Variants in EGFL6 observed in about 807,000 individuals in gnomAD.
The protein encoded by EGFL6 is EGF like domain multiple 6.
EGFL6 carries 42 observed loss-of-function variants against 43.1 expected under a neutral mutation model. The ratio of observed to expected loss-of-function variants is 0.98; its 90% CI spans 0.76 to 1.26. The LOEUF (loss-of-function observed/expected upper bound fraction) is 1.26, where lower values mean the gene tolerates loss of function less well. EGFL6 is among the 50% of genes most tolerant of loss of function. EGFL6 has a pLI of 0.00. For synonymous variants in EGFL6, 164 were observed against 163.2 expected, an observed-to-expected ratio of 1.01 and a Z score of -0.04; for missense variants, 429 against 427.8, an observed-to-expected ratio of 1.00 and a Z score of -0.02.
intron 6 of EGFL6, among the ~76,000 whole-genome samples, chrX:13,607,309 C>G (rs2045665989): frequency 9.0e-6 from 1 of 111,220 alleles, no homozygotes; most frequent in Admixed American, 9.6e-5. Flanking sequence ...AAGCTATATG[C>G]ATGACATGGA....
chrX:13,628,567 A>G (rs2045793849), intron 11 of EGFL6, among the ~76,000 whole-genome samples: 1 of 111,073 alleles, frequency 9.0e-6, no homozygotes, highest in Non-Finnish European at 1.9e-5. Flanking sequence ...TAATCCCAAC[A>G]CTTTGGGAGG....
At chrX:13,596,270 C>T (rs1261282080) in intron 3 of EGFL6, 1 of 111,589 alleles carries the variant, frequency 9.0e-6, no homozygotes, top group Admixed American at 9.5e-5. Context: ...ACATCTGTCA[C>T]CCCATTGCTC....
chrX:13,619,135 T>G (rs755443919), intron 8 of EGFL6, 28 bp from the exon 9 acceptor site: 9 of 1,185,345 alleles, frequency 7.6e-6, no homozygotes, highest in Non-Finnish European at 9.2e-6. Flanking sequence ...AAGGTTTTTT[T>G]CTTAACTGAC....
In EGFL6 at chrX:13,618,184, C is replaced by T. The variant is rs749156139; in HGVS notation, c.1102+131C>T. The T allele has an allele frequency of 3.1e-5, 19 of 603,419 alleles. No individual in the cohort carries two copies. In the Admixed American group the frequency reaches 5.6e-4, roughly 18 times the overall value. 49.7% of individuals were successfully genotyped at this position (603,419 alleles called of 1,213,427 possible). A position where few individuals can be genotyped will look rare whatever the true frequency, so the allele number is the denominator to read the frequency against. The stretch of plus-strand genomic sequence containing the variant: ...TTGGGTCTTAAGTCCTGAGAAGCAA[C>T]ATTCTCTGTAATGTCTAGAAACGAA... On this transcript the variant is annotated intron_variant, in intron 8 of 11. Coordinates refer to ENST00000361306, the MANE Select transcript of EGFL6 (RefSeq NM_015507.4).
intron 7 of EGFL6, among the ~76,000 whole-genome samples, chrX:13,612,823 T>C (rs1416802272): frequency 8.9e-6 from 1 of 112,598 alleles, no homozygotes. Flanking sequence ...ACAAATACAT[T>C]TGTATGCACA....
In EGFL6 at chrX:13,594,835, G is replaced by C; in HGVS notation, c.188-1G>C. The C allele has an allele frequency of 4.1e-6, 5 of 1,207,512 alleles. No individual in the cohort carries two copies. The highest frequency in any genetic ancestry group is 4.5e-6 in the Non-Finnish European group (4 of 892,558). On this transcript the variant is annotated splice_acceptor_variant, in intron 2 of 11. Coordinates refer to ENST00000361306, the MANE Select transcript of EGFL6 (RefSeq NM_015507.4). LOFTEE classifies it high-confidence loss of function. ...CATCAAGACATCTTTTCCTTCCACA[G>C]CTACATGCGAACCTGGATGTAAGTT...
At chrX:13,573,809 C>T (rs765383810) in intron 1 of EGFL6, among the ~76,000 whole-genome samples, 9 of 111,900 alleles carry the variant, frequency 8.0e-5, no homozygotes, top group Non-Finnish European at 1.7e-4. Context: ...CAAATTTATT[C>T]CCTCAAAAAA....
At chrX:13,602,176 G>T in intron 4 of EGFL6, among the ~76,000 whole-genome samples, 1 of 111,080 alleles carries the variant, frequency 9.0e-6, no homozygotes, top group South Asian at 3.9e-4. Flanking sequence ...CCTGGATGCT[G>T]ATTGGATTCC....
chrX:13,587,887 C>T (rs919248048), intron 1 of EGFL6, among the ~76,000 whole-genome samples: 1 of 111,846 alleles, frequency 8.9e-6, no homozygotes, highest in Non-Finnish European at 1.9e-5. Context: ...TAAAGTACTA[C>T]TACTTAATGA....
At chrX:13,594,733 C>G in intron 2 of EGFL6, 103 bp from the exon 3 acceptor site, 1 of 631,622 alleles carries the variant, frequency 1.6e-6, no homozygotes, top group Non-Finnish European at 2.5e-6. Flanking sequence ...CTCTGTATGT[C>G]CCCATGGAGT....
rs1385084622 is a variant in EGFL6 at position 13,589,579 on chromosome X, C to T, written c.98C>T (p.Ala33Val). ...AGTGCAAGGCATCACGGGTTGTTAG[C>T]ATCGGCACGTCAGCCTGGGGTCTGT... ...AASARHHGLL[A>V]SARQPGVCHY... The change falls in exon 2 of 12, where the codon GCA becomes GTA. Residue 33 changes from alanine to valine, a missense_variant. Transcript: ENST00000361306. 3.3e-6 allele frequency: 4 copies of T among 1,208,910 alleles called. No homozygotes were observed. The highest frequency in any genetic ancestry group is 4.5e-6 in the Non-Finnish European group (4 of 894,588).
intron 10 of EGFL6, chrX:13,625,053 A>G (rs927824552): frequency 8.9e-6 from 1 of 111,850 alleles, no homozygotes; most frequent in East Asian, 2.8e-4. Flanking sequence ...CCAGAGCTAT[A>G]TCATATTGGG....
At chrX:13,605,082 A>T (rs1299399497) in intron 5 of EGFL6, among the ~76,000 whole-genome samples, 1 of 111,917 alleles carries the variant, frequency 8.9e-6, no homozygotes, top group African/African-American at 3.2e-5. Flanking sequence ...GACAAGGCTA[A>T]TTATTGACCA....
chrX:13,610,075 A>G lies in EGFL6; in HGVS notation c.778+1629A>G, dbSNP rs557509017. Among the ~76,000 whole-genome samples the G allele has an allele frequency of 2.7e-5, 3 of 111,869 alleles. No individual in the cohort carries two copies. In the South Asian group the frequency reaches 1.1e-3, roughly 42 times the overall value. ...GCCACACCCATAAAAGGTTCACAGT[A>G]CCCCAGTGGGCTATTGTTGAGCACC... On this transcript the variant is annotated intron_variant, in intron 7 of 11. Transcript: ENST00000361306.
At chrX:13,623,377 G>GTTTTTTTTTTTTTTTTGT (rs2045759593) in intron 9 of EGFL6, among the ~76,000 whole-genome samples, 2 of 40,371 alleles carry the variant, frequency 5.0e-5, no homozygotes, top group Non-Finnish European at 8.5e-5. Context: ...TTTATTTTGG[G>GTTTTTTTTTTTTTTTTGT]TTTTTTTTTT....
chrX:13,598,674 C>T (rs1182913249), intron 3 of EGFL6, among the ~76,000 whole-genome samples: 1 of 108,267 alleles, frequency 9.2e-6, no homozygotes, highest in African/African-American at 3.4e-5. Flanking sequence ...TTAGAGCATA[C>T]CCTCCTAGGC....
At chrX:13,632,894 A>C in intron 11 of EGFL6, 91 bp from the exon 12 acceptor site, 2 of 822,121 alleles carry the variant, frequency 2.4e-6, no homozygotes, top group African/African-American at 2.1e-5. Context: ...TCTATGAAAT[A>C]GGGACACGAG....
At chrX:13,600,146 T>C (rs1482584904) in intron 4 of EGFL6, 52 bp downstream of exon 4, 1 of 1,144,231 alleles carries the variant, frequency 8.7e-7, no homozygotes, top group Middle Eastern at 2.5e-4. Flanking sequence ...GCTTGGCTTT[T>C]GCCATTTGAT....
chrX:13,609,013 T>C (rs928533681), intron 7 of EGFL6, among the ~76,000 whole-genome samples: 1 of 112,836 alleles, frequency 8.9e-6, no homozygotes, highest in Non-Finnish European at 1.9e-5. Flanking sequence ...AATTATTTAA[T>C]ACTTTTTGTT....
Sources: allele counts gnomAD v4.1 joint callset (sites outside exome capture counted in the v4.1 genomes callset), GRCh38; gene constraint gnomAD v4.1.1; transcripts MANE v1.5; gene names NCBI Gene and HGNC (gene_info 2026-07-23, HGNC 2026-07-21).